Variants in QPRT observed in about 807,000 individuals in gnomAD.
QPRT encodes nicotinate-nucleotide pyrophosphorylase [carboxylating].
QPRT carries 17 observed loss-of-function variants against 19.8 expected under a neutral mutation model. The observed-to-expected ratio is 0.86, with a 90% CI of 0.59 to 1.29. The LOEUF is 1.29. QPRT is among the 50% of genes most tolerant of loss of function. The pLI, the probability that QPRT is intolerant of heterozygous loss-of-function variation, is 0.00. For synonymous variants in QPRT, 178 were observed against 191.0 expected (o/e 0.93, Z 0.56); for missense variants, 336 against 405.1 (o/e 0.83, Z 1.46).
chr16:29,683,841 C>T (rs1296855701), intron 1 of QPRT, among the ~76,000 whole-genome samples: 2 of 152,136 alleles, frequency 1.3e-5, no homozygotes, highest in Non-Finnish European at 2.9e-5. Context: ...CAGGCAGAGG[C>T]CCCACTGTGT....
intron 1 of QPRT, among the ~76,000 whole-genome samples, chr16:29,686,140 G>A: frequency 6.6e-6 from 1 of 152,138 alleles, no homozygotes; most frequent in South Asian, 2.1e-4. Context: ...AATTACAGGT[G>A]TGAGCCACTG....
chr16:29,695,222 G>GC, intron 2 of QPRT, 23 bp downstream of exon 2: 1 of 1,511,540 alleles, frequency 6.6e-7, no homozygotes, highest in Non-Finnish European at 8.9e-7. Context: ...CCTGTCCCTG[G>GC]TCCAACCCCA....
intron 1 of QPRT, among the ~76,000 whole-genome samples, chr16:29,686,455 C>T (rs529515633): frequency 1.4e-4 from 22 of 152,114 alleles, no homozygotes; most frequent in Non-Finnish European, 2.5e-4. Flanking sequence ...GCACGCCTAC[C>T]CTGTGCTAGA....
intron 1 of QPRT, among the ~76,000 whole-genome samples, chr16:29,683,638 C>T (rs1225019136): frequency 6.6e-6 from 1 of 152,184 alleles, no homozygotes; most frequent in Non-Finnish European, 1.5e-5. Flanking sequence ...GGATTACAGG[C>T]ATGAGCCACC....
chr16:29,686,066 G>C (rs1185405578), intron 1 of QPRT, among the ~76,000 whole-genome samples: 1 of 151,952 alleles, frequency 6.6e-6, no homozygotes, highest in Admixed American at 6.6e-5. Context: ...CACCATGTTG[G>C]TCAGGCTGGA....
At chr16:29,692,404 C>T (rs1402770803) in intron 1 of QPRT, among the ~76,000 whole-genome samples, 1 of 151,868 alleles carries the variant, frequency 6.6e-6, no homozygotes, top group Non-Finnish European at 1.5e-5. Flanking sequence ...CACGGTGAAA[C>T]CCCGTCTCTA....
chr16:29,679,421 C>A (rs1966924741), intron 1 of QPRT, among the ~76,000 whole-genome samples: 1 of 152,110 alleles, frequency 6.6e-6, no homozygotes, highest in African/African-American at 2.4e-5. Flanking sequence ...TGTGTTGAGT[C>A]CCCAAGGAGC....
chr16:29,683,215 CAG>C (rs1171639642), intron 1 of QPRT, among the ~76,000 whole-genome samples: 2 of 151,700 alleles, frequency 1.3e-5, no homozygotes, highest in Admixed American at 1.3e-4. Flanking sequence ...TTAGTAGAGA[CAG>C]CGCTTCACCA....
At position 29,697,707 on chromosome 16, in the gene QPRT, C is replaced by T. The variant is rs935296734; in HGVS notation, c.*296C>T. 7 of 348,608 alleles carry T rather than the reference C, an allele frequency of 2.0e-5. No individual in the cohort carries two copies. Among genetic ancestry groups the T allele is most frequent in the African/African-American group, 8.5e-5 (4 of 47,272 alleles). 21.6% of individuals were successfully genotyped at this position (348,608 alleles called of 1,614,324 possible). ...AATGTCAGAAGTTACCTGGGACAGCCGGGCACGATGGCTCACACCTGTAAT... is the reference window on the plus strand; with the variant it reads ...AATGTCAGAAGTTACCTGGGACAGCTGGGCACGATGGCTCACACCTGTAAT... On this transcript the variant is annotated 3_prime_UTR_variant, in exon 4 of 4. Coordinates refer to ENST00000395384, the MANE Select transcript of QPRT (RefSeq NM_014298.6). The surrounding 1 kb of genome is among the most constrained non-coding windows in gnomAD (Gnocchi z 4.4).
chr16:29,697,437 G>A lies in QPRT; in HGVS notation c.*26G>A, dbSNP rs774735020. ...TCCTAAACCGGAAGAGGATGACACCGGCCATGGGTTAACGTGGCTCCTCAG... is the reference window on the plus strand; with the variant it reads ...TCCTAAACCGGAAGAGGATGACACCAGCCATGGGTTAACGTGGCTCCTCAG... On this transcript the variant is annotated 3_prime_UTR_variant, in exon 4 of 4. Transcript: ENST00000395384. The surrounding 1 kb of genome is among the most constrained non-coding windows in gnomAD (Gnocchi z 4.4). The A allele has an allele frequency of 3.4e-5, 54 of 1,592,686 alleles. No individual in the cohort carries two copies. Among genetic ancestry groups the A allele is most frequent in the African/African-American group, 5.4e-5 (4 of 74,634 alleles).
Position 29,693,580 on chromosome 16 carries a change from T to C in QPRT, c.14-1084T>C, listed in dbSNP as rs547528779. Reference sequence around the variant, plus strand: ...AGCCCCATCATCCTCATTTTATTTATTTTTTATTTTTATTACTATTTTTTT... The same window carrying C: ...AGCCCCATCATCCTCATTTTATTTACTTTTTATTTTTATTACTATTTTTTT... On this transcript the variant is annotated intron_variant, in intron 1 of 3. Transcript: ENST00000395384. Among the ~76,000 whole-genome samples the C allele has an allele frequency of 8.7e-5, 13 of 149,962 alleles. No individual in the cohort carries two copies. In the East Asian group the frequency reaches 2.6e-3, roughly 30 times the overall value.
Position 29,698,345 on chromosome 16 carries a change from A to C in QPRT, c.*934A>C, listed in dbSNP as rs1395801025. On this transcript the variant is annotated 3_prime_UTR_variant, in exon 4 of 4. Transcript: ENST00000395384. ...GAGAGAAAGCAAAAAGTTAGAAAAC[A>C]AAACAAAACAGAAGTAAGATAAATA... 6.6e-6 allele frequency: 1 copy of C among 152,250 alleles called. No homozygotes were observed. Among genetic ancestry groups the C allele is most frequent in the East Asian group, 1.9e-4 (1 of 5,200 alleles). 9.4% of individuals were successfully genotyped at this position (152,250 alleles called of 1,614,324 possible).
upstream of QPRT, chr16:29,679,038 G>C (rs545723217): frequency 3.1e-6 from 4 of 1,270,988 alleles, no homozygotes; most frequent in African/African-American, 4.5e-5. Context: ...GAATCTGCAG[G>C]CCTGGCAGAG....
intron 1 of QPRT, 57 bp from the exon 2 acceptor site, chr16:29,694,607 G>C: frequency 6.7e-7 from 1 of 1,482,054 alleles, no homozygotes; most frequent in South Asian, 1.4e-5. Context: ...TTTTGACAGT[G>C]ACCCCTGACA....
In QPRT at chr16:29,694,792, G is replaced by A. The variant is rs770073873; in HGVS notation, c.142G>A (p.Ala48Thr). 3.0e-5 allele frequency: 49 copies of A among 1,613,890 alleles called. No homozygotes were observed. Among genetic ancestry groups the A allele is most frequent in the Non-Finnish European group, 1.7e-6 (2 of 1,179,938 alleles). ...AGGCCCCTCGCAGGCGGCGCTGTGGGCCAAATCCCCTGGGGTACTGGCAGG... is the reference window on the plus strand; with the variant it reads ...AGGCCCCTCGCAGGCGGCGCTGTGGACCAAATCCCCTGGGGTACTGGCAGG... ...GAGPSQAALW[A>T]KSPGVLAGQP... Residue 48 changes from alanine (A) to threonine (T), a missense_variant, in exon 2 of 4, where the codon GCC becomes ACC. By Grantham distance (58) the Ala-to-Thr change is moderately conservative. Transcript: ENST00000395384.
intron 1 of QPRT, among the ~76,000 whole-genome samples, chr16:29,685,583 C>G (rs1467236366): frequency 6.6e-6 from 1 of 152,206 alleles, no homozygotes; most frequent in Non-Finnish European, 1.5e-5. Flanking sequence ...GCCACCGCGC[C>G]CAGCCTACTT....
chr16:29,683,086 G>A (rs542769775), intron 1 of QPRT, among the ~76,000 whole-genome samples: 3 of 149,176 alleles, frequency 2.0e-5, no homozygotes, highest in Admixed American at 6.8e-5. Flanking sequence ...GTGCAGTGGC[G>A]CAACCTCGGC....
chr16:29,683,800 G>GA (rs910810676), intron 1 of QPRT, among the ~76,000 whole-genome samples: 68 of 152,276 alleles, frequency 4.5e-4, no homozygotes, highest in African/African-American at 1.5e-3. Context: ...CTGAAAGTTT[G>GA]AAAAGCTCCC....
intron 1 of QPRT, among the ~76,000 whole-genome samples, chr16:29,688,126 A>G (rs1967215491): frequency 6.6e-6 from 1 of 151,596 alleles, no homozygotes; most frequent in Non-Finnish European, 1.5e-5. Flanking sequence ...ACCTTAGATC[A>G]GAACTGGGCT....
Sources: gnomAD v4.1 joint callset for allele counts (sites outside exome capture counted in the v4.1 genomes callset) on GRCh38, gnomAD v4.1.1 for gene constraint, Gnocchi (gnomAD v3.1) non-coding constraint, MANE v1.5 for transcripts, NCBI Gene and HGNC (gene_info 2026-07-23, HGNC 2026-07-21) for gene names.